CELF4: variants seen among roughly 807,000 people sequenced by gnomAD.
CELF4 encodes CUG-BP- and ETR-3-like factor 4.
CELF4 carries 18 observed loss-of-function variants against 59.9 expected under a neutral mutation model. That is an observed-to-expected ratio of 0.30 (90% confidence interval 0.21 to 0.45). The LOEUF is 0.45. Ranked by LOEUF, CELF4 falls within the 20% of genes least tolerant of loss-of-function variation. CELF4 has a pLI of 1.00. For missense variants in CELF4, 456 were observed against 689.0 expected, an observed-to-expected ratio of 0.66 and a Z score of 3.79; for synonymous variants, 261 against 267.1, an observed-to-expected ratio of 0.98 and a Z score of 0.22.
chr18:37,395,267 T>A (rs1425469423), intron 2 of CELF4, among the ~76,000 whole-genome samples: 1 of 152,008 alleles, frequency 6.6e-6, no homozygotes, highest in Non-Finnish European at 1.5e-5. Flanking sequence ...AGAATGCTTT[T>A]TTTGTGTGCT....
chr18:37,468,931 A>T (rs1409784363), intron 2 of CELF4, among the ~76,000 whole-genome samples: 1 of 152,162 alleles, frequency 6.6e-6, no homozygotes, highest in Non-Finnish European at 1.5e-5. Flanking sequence ...TATGGGTATT[A>T]TAATTTGAGA....
chr18:37,470,899 A>T (rs2099821226), intron 2 of CELF4, among the ~76,000 whole-genome samples: 3 of 148,752 alleles, frequency 2.0e-5, no homozygotes, highest in African/African-American at 7.6e-5. Flanking sequence ...ACAGAGAGAG[A>T]GAGAGAGAGA....
chr18:37,394,056 G>A (rs1055157062), intron 2 of CELF4, among the ~76,000 whole-genome samples: 3 of 152,112 alleles, frequency 2.0e-5, no homozygotes, highest in African/African-American at 7.2e-5. Context: ...GCGACAACTG[G>A]CGCGTTCCTC....
At chr18:37,546,100 C>T (rs1028738204) in intron 1 of CELF4, among the ~76,000 whole-genome samples, 9 of 152,290 alleles carry the variant, frequency 5.9e-5, no homozygotes, top group East Asian at 1.9e-4. Context: ...GAACTGCAGG[C>T]GTGCCCACCC....
intron 1 of CELF4, among the ~76,000 whole-genome samples, chr18:37,524,105 C>G (rs2099960747): frequency 6.6e-6 from 1 of 152,244 alleles, no homozygotes; most frequent in South Asian, 2.1e-4. Flanking sequence ...TGTCACCAGG[C>G]ACAGTGCCTG....
At chr18:37,370,592 G>C (rs2098847170) in intron 2 of CELF4, among the ~76,000 whole-genome samples, 1 of 152,132 alleles carries the variant, frequency 6.6e-6, no homozygotes, top group Non-Finnish European at 1.5e-5. Context: ...CATACTCCTT[G>C]CACAGCAATG....
intron 3 of CELF4, among the ~76,000 whole-genome samples, chr18:37,284,123 CCCT>C (rs1199526459): frequency 6.7e-6 from 1 of 148,676 alleles, no homozygotes; most frequent in Non-Finnish European, 1.5e-5. Context: ...CAGCACCCAC[CCCT>C]CAACACAGAT....
At chr18:37,522,838 CT>C (rs1359363315) in intron 1 of CELF4, among the ~76,000 whole-genome samples, 1 of 152,140 alleles carries the variant, frequency 6.6e-6, no homozygotes, top group Non-Finnish European at 1.5e-5. Flanking sequence ...TTTGGCCTGC[CT>C]CAAGAGAGTT....
chr18:37,521,351 C>T (rs1392609960), intron 1 of CELF4, among the ~76,000 whole-genome samples: 1 of 152,036 alleles, frequency 6.6e-6, no homozygotes, highest in Non-Finnish European at 1.5e-5. Flanking sequence ...ACCCCAAGTC[C>T]CCACACTCTC....
chr18:37,357,811 G>A (rs1044547426), intron 2 of CELF4, among the ~76,000 whole-genome samples: 13 of 152,170 alleles, frequency 8.5e-5, no homozygotes, highest in African/African-American at 3.1e-4. Context: ...AGTCAAAGGC[G>A]ATCATTTTGG....
At chr18:37,427,770 T>G (rs1707600473) in intron 2 of CELF4, among the ~76,000 whole-genome samples, 1 of 152,246 alleles carries the variant, frequency 6.6e-6, no homozygotes, top group South Asian at 2.1e-4. Flanking sequence ...GCTGCTGTTC[T>G]CTGCACTGAA....
intron 2 of CELF4, among the ~76,000 whole-genome samples, chr18:37,451,260 G>C (rs986589670): frequency 2.0e-5 from 3 of 152,188 alleles, no homozygotes; most frequent in African/African-American, 7.2e-5. Context: ...ATGTGAGCCT[G>C]ATAAGGGAGG....
At position 37,274,374 on chromosome 18, in the gene CELF4, G is replaced by T. The variant is rs774132846; in HGVS notation, c.738C>A (p.Gly246=). The T allele has an allele frequency of 1.9e-6, 3 of 1,613,396 alleles. No homozygotes were observed. In the African/African-American group the frequency reaches 4.0e-5, roughly 22 times the overall value. The change falls in exon 6 of 13, where the codon GGC becomes GGA. Residue 246 remains glycine (G), a synonymous_variant. Coordinates refer to ENST00000420428, the MANE Select transcript of CELF4 (RefSeq NM_020180.4). The part of the protein sequence containing the change: ...RTMRRMQQMA[G]QMGMFNPMAI... ...CCATGGGGTTGAACATGCCCATCTG[G>T]CCAGCCATCTGCTGCATTCGCCGCA...
At chr18:37,272,929 G>A (rs2091984380) in intron 7 of CELF4, 87 bp downstream of exon 7, 34 of 1,340,392 alleles carry the variant, frequency 2.5e-5, no homozygotes, top group Non-Finnish European at 3.3e-5. Flanking sequence ...CCACAGAATG[G>A]TCCGCTGGTA....
intron 2 of CELF4, among the ~76,000 whole-genome samples, chr18:37,459,221 G>A (rs1409129924): frequency 6.6e-6 from 1 of 152,124 alleles, no homozygotes; most frequent in African/African-American, 2.4e-5. Context: ...TTTTTGGATT[G>A]AGCTGCTGAG....
chr18:37,333,722 CTCCA>C (rs35996325), intron 2 of CELF4, among the ~76,000 whole-genome samples: 127,996 of 146,650 alleles, frequency 0.87, 55,886 homozygotes, highest in East Asian at 0.95. Flanking sequence ...GGGCCACAAA[CTCCA>C]TCCATCCATC....
chr18:37,343,329 CTGTG>C (rs5824051), intron 2 of CELF4, among the ~76,000 whole-genome samples: 22,594 of 126,816 alleles, frequency 0.18, 1,920 homozygotes, highest in Non-Finnish European at 0.21. Context: ...GGTGTTGATT[CTGTG>C]TGTGTGTGTG....
chr18:37,376,133 G>A (rs2098966250), intron 2 of CELF4, among the ~76,000 whole-genome samples: 1 of 152,132 alleles, frequency 6.6e-6, no homozygotes, highest in South Asian at 2.1e-4. Flanking sequence ...ATCCCAGGCT[G>A]CCTTCACCTT....
At chr18:37,512,277 G>C (rs986446053) in intron 1 of CELF4, among the ~76,000 whole-genome samples, 7 of 152,192 alleles carry the variant, frequency 4.6e-5, no homozygotes, top group African/African-American at 1.7e-4. Flanking sequence ...TCCATGTGCT[G>C]AGCGTGATGG....
Sources: gnomAD v4.1 joint callset for allele counts (sites outside exome capture counted in the v4.1 genomes callset) on GRCh38, gnomAD v4.1.1 for gene constraint, MANE v1.5 for transcripts, NCBI Gene and HGNC (gene_info 2026-07-23, HGNC 2026-07-21) for gene names.